The following SHISA9 variants were observed in gnomAD, a reference collection of about 807,000 sequenced individuals.
The protein encoded by SHISA9 is shisa family member 9.
A neutral mutation model predicts 38.0 loss-of-function variants in SHISA9; 13 were observed. The ratio of observed to expected loss-of-function variants is 0.34; its 90% CI spans 0.22 to 0.54. The LOEUF is 0.54. SHISA9 is among the 20% of genes least tolerant of loss of function. The pLI is 0.91. For synonymous variants in SHISA9, 275 were observed against 242.0 expected, an observed-to-expected ratio of 1.14 and a Z score of -1.27; for missense variants, 538 against 575.8, an observed-to-expected ratio of 0.93 and a Z score of 0.67.
chr16:13,019,876 C>G (rs1190671156), intron 2 of SHISA9, among the ~76,000 whole-genome samples: 2 of 32,398 alleles, frequency 6.2e-5, no homozygotes, highest in African/African-American at 2.9e-4. Flanking sequence ...CCCTCCCTCC[C>G]TCCCTCCCTT....
the SHISA9 span, among the ~76,000 whole-genome samples, chr16:13,439,956 C>T: frequency 6.6e-6 from 1 of 152,170 alleles, no homozygotes; most frequent in South Asian, 2.1e-4. Flanking sequence ...GCAGCTGGGC[C>T]TGTGATTAGA....
intron 2 of SHISA9, among the ~76,000 whole-genome samples, chr16:13,118,972 T>G: frequency 1.3e-5 from 2 of 152,244 alleles, no homozygotes; most frequent in South Asian, 4.1e-4. Flanking sequence ...CCTCAGGTGA[T>G]CCACTCACCT....
At chr16:13,068,030 C>T (rs1305347019) in intron 2 of SHISA9, among the ~76,000 whole-genome samples, 1 of 152,206 alleles carries the variant, frequency 6.6e-6, no homozygotes, top group Non-Finnish European at 1.5e-5. Context: ...GGGATGGGGC[C>T]ATAATTGTGG....
At chr16:13,131,246 A>C (rs1008168698) in intron 2 of SHISA9, among the ~76,000 whole-genome samples, 3 of 152,230 alleles carry the variant, frequency 2.0e-5, no homozygotes, top group African/African-American at 7.2e-5. Context: ...GGATAAAGAA[A>C]ATGTAAAAAA....
the SHISA9 span, among the ~76,000 whole-genome samples, chr16:13,318,446 C>G: frequency 6.6e-6 from 1 of 152,136 alleles, no homozygotes; most frequent in Non-Finnish European, 1.5e-5. Flanking sequence ...CCTTAGCATC[C>G]TGACTGAGTA....
intron 4 of SHISA9, among the ~76,000 whole-genome samples, chr16:13,231,027 C>G (rs1463675886): frequency 2.0e-5 from 3 of 152,194 alleles, no homozygotes; most frequent in Non-Finnish European, 4.4e-5. Context: ...TGCCAGGCTT[C>G]TGTCTCATCC....
intron 2 of SHISA9, among the ~76,000 whole-genome samples, chr16:13,060,879 G>A (rs1330241634): frequency 6.6e-6 from 1 of 152,296 alleles, no homozygotes; most frequent in East Asian, 1.9e-4. Context: ...TTAGGGCTAT[G>A]CAAAGAGTAG....
At chr16:13,507,360 G>T in the SHISA9 span, among the ~76,000 whole-genome samples, 9,143 of 152,098 alleles carry the variant, frequency 0.06, 470 homozygotes, top group Admixed American at 0.16. Flanking sequence ...TGGGCCTCCA[G>T]ATATCTGCCC....
At chr16:13,338,656 C>A in the SHISA9 span, among the ~76,000 whole-genome samples, 1 of 152,138 alleles carries the variant, frequency 6.6e-6, no homozygotes, top group African/African-American at 2.4e-5. Context: ...AGTAAAGGGT[C>A]TGCCTCCTGA....
At position 13,236,147 on chromosome 16, in the gene SHISA9, A is replaced by T. The variant is rs2051381758; in HGVS notation, c.*738A>T. On this transcript the variant is annotated 3_prime_UTR_variant, in exon 5 of 5. Transcript: ENST00000558583. ...GATGGGAAGGAAAAAACAAAAAACA[A>T]AAAACATTTTAGAGAACTCCCATAA... 6.6e-6 allele frequency: 1 copy of T among 152,338 alleles called. No individual in the cohort carries two copies. The highest frequency in any genetic ancestry group is 1.9e-4 in the East Asian group (1 of 5,182). 9.4% of individuals were successfully genotyped at this position (152,338 alleles called of 1,614,324 possible).
Position 13,235,449 on chromosome 16 carries a change from T to C in SHISA9, c.*40T>C. ...GAGCACCCTGGAGACCACACTCAACTGAGAGAGGCAAAAAACAACCCCGCC... is the reference window on the plus strand; with the variant it reads ...GAGCACCCTGGAGACCACACTCAACCGAGAGAGGCAAAAAACAACCCCGCC... On this transcript the variant is annotated 3_prime_UTR_variant, in exon 5 of 5. Coordinates refer to ENST00000558583, the MANE Select transcript of SHISA9 (RefSeq NM_001145204.3). 1.3e-6 allele frequency: 2 copies of C among 1,495,278 alleles called. No homozygotes were observed. Among genetic ancestry groups the C allele is most frequent in the Non-Finnish European group, 1.8e-6 (2 of 1,125,982 alleles). 92.6% of individuals were successfully genotyped at this position (1,495,278 alleles called of 1,614,324 possible). A position where few individuals can be genotyped will look rare whatever the true frequency, so the allele number is the denominator to read the frequency against.
At chr16:13,472,377 A>ATTTTTTTTTT in the SHISA9 span, among the ~76,000 whole-genome samples, 24 of 55,418 alleles carry the variant, frequency 4.3e-4, 5 homozygotes, top group South Asian at 1.9e-3. Flanking sequence ...GCTCTGCTAA[A>ATTTTTTTTTT]TTTTTTTTTT....
the SHISA9 span, among the ~76,000 whole-genome samples, chr16:13,468,965 G>A: frequency 6.6e-6 from 1 of 151,148 alleles, no homozygotes; most frequent in African/African-American, 2.4e-5. Flanking sequence ...AAAAGAGGCT[G>A]GGCACTGTGG....
At chr16:13,396,098 G>A in the SHISA9 span, among the ~76,000 whole-genome samples, 6 of 152,280 alleles carry the variant, frequency 3.9e-5, no homozygotes, top group South Asian at 2.1e-4. Context: ...AATTAGAAGC[G>A]TTTATAAGAT....
At chr16:13,339,532 G>A in the SHISA9 span, among the ~76,000 whole-genome samples, 2 of 152,172 alleles carry the variant, frequency 1.3e-5, no homozygotes. Flanking sequence ...TGCATAGAAT[G>A]GGTGTTCCCT....
chr16:13,090,490 AT>A (rs1361269302), intron 2 of SHISA9, among the ~76,000 whole-genome samples: 5 of 152,252 alleles, frequency 3.3e-5, no homozygotes, highest in Admixed American at 6.5e-5. Flanking sequence ...GTGCTCCTGT[AT>A]TGGGTGCATA....
At chr16:12,949,833 A>G (rs1375311204) in intron 2 of SHISA9, among the ~76,000 whole-genome samples, 4 of 152,224 alleles carry the variant, frequency 2.6e-5, no homozygotes, top group Admixed American at 6.5e-5. Context: ...TAGGACATCC[A>G]TCACCTCAAA....
intron 2 of SHISA9, among the ~76,000 whole-genome samples, chr16:13,190,037 A>T (rs1395489946): frequency 1.3e-5 from 2 of 151,814 alleles, no homozygotes; most frequent in African/African-American, 4.8e-5. Context: ...GTATCTCATT[A>T]AATTGGATGA....
At chr16:13,394,343 C>A in the SHISA9 span, among the ~76,000 whole-genome samples, 1 of 152,186 alleles carries the variant, frequency 6.6e-6, no homozygotes, top group Non-Finnish European at 1.5e-5. Flanking sequence ...CTTTGCTATG[C>A]AGAATTATTG....
Sources: allele counts gnomAD v4.1 joint callset (sites outside exome capture counted in the v4.1 genomes callset), GRCh38; gene constraint gnomAD v4.1.1; transcripts MANE v1.5; gene names NCBI Gene and HGNC (gene_info 2026-07-23, HGNC 2026-07-21).